SMAD4: variants seen among roughly 807,000 people sequenced by gnomAD.
SMAD4 encodes SMAD family member 4, also known as MAD homolog 4.
Under a neutral mutation model 63.2 loss-of-function variants are expected in SMAD4, and 7 were observed. That is an observed-to-expected ratio of 0.11 (90% CI 0.06 to 0.21). The LOEUF (loss-of-function observed/expected upper bound fraction) is 0.21, where lower values mean the gene tolerates loss of function less well. Among genes scored for constraint, SMAD4 ranks in the 10% least tolerant of loss-of-function variants. The pLI, the probability that SMAD4 is intolerant of heterozygous loss-of-function variation, is 1.00. For missense variants in SMAD4, 312 were observed against 693.8 expected (o/e 0.45, Z 6.18); for synonymous variants, 215 against 235.4 (o/e 0.91, Z 0.79).
intron 9 of SMAD4, 136 bp from the exon 10 acceptor site, chr18:51,066,883 A>T (rs891566177): frequency 5.8e-6 from 4 of 684,430 alleles, no homozygotes; most frequent in Non-Finnish European, 1.0e-5. Flanking sequence ...ATATACAAAA[A>T]TGTTAATAGC....
chr18:51,062,881 G>C (rs1289383612), intron 8 of SMAD4, among the ~76,000 whole-genome samples: 8 of 58,042 alleles, frequency 1.4e-4, no homozygotes, highest in Non-Finnish European at 1.0e-4. Flanking sequence ...TTTTTGAGAC[G>C]GAGTCTCGCT....
chr18:51,051,557 A>C (rs912235496), intron 4 of SMAD4: 1 of 373,506 alleles, frequency 2.7e-6, no homozygotes, highest in Non-Finnish European at 5.2e-6. Flanking sequence ...CAAGTATTTA[A>C]TAAGCATGTA....
chr18:51,064,418 T>G (rs1910096135), intron 8 of SMAD4, among the ~76,000 whole-genome samples: 1 of 152,236 alleles, frequency 6.6e-6, no homozygotes, highest in Non-Finnish European at 1.5e-5. Flanking sequence ...TTTCATTTGT[T>G]TGCTTATTTG....
intron 1 of SMAD4, among the ~76,000 whole-genome samples, chr18:51,032,863 T>C (rs1268120475): frequency 6.6e-6 from 1 of 152,196 alleles, no homozygotes; most frequent in Non-Finnish European, 1.5e-5. Context: ...ACATGTTGTT[T>C]TGTCGATGTT....
rs1910637726 is a variant in SMAD4 at position 51,082,650 on chromosome 18, T to C, written c.*4183T>C. 4.3e-6 allele frequency: 1 copy of C among 231,546 alleles called. No homozygotes were observed. Among genetic ancestry groups the C allele is most frequent in the African/African-American group, 2.2e-5 (1 of 45,326 alleles). The allele number at this position is 231,546 out of a possible 1,614,324, so 14.3% of individuals were successfully genotyped here. On this transcript the variant is annotated 3_prime_UTR_variant, in exon 12 of 12. Coordinates refer to ENST00000342988, the MANE Select transcript of SMAD4 (RefSeq NM_005359.6). Reference sequence around the variant, plus strand: ...TTCTTTCTGTGCTTGGCTATCTTTGTGGACTTCAGGGGCTTCTAAAACAGA... The same window carrying C: ...TTCTTTCTGTGCTTGGCTATCTTTGCGGACTTCAGGGGCTTCTAAAACAGA...
chr18:51,066,568 A>G (rs1214791943), intron 9 of SMAD4, among the ~76,000 whole-genome samples: 2 of 152,182 alleles, frequency 1.3e-5, no homozygotes, highest in Admixed American at 6.5e-5. Context: ...AAAATGATTT[A>G]TATTTGCACT....
chr18:51,045,939 T>C (rs1220573346), intron 1 of SMAD4, among the ~76,000 whole-genome samples: 2 of 152,234 alleles, frequency 1.3e-5, no homozygotes, highest in Non-Finnish European at 2.9e-5. Flanking sequence ...TTTCGAGGCT[T>C]ATCCATGTTA....
At chr18:51,069,674 G>T (rs2144458988) in intron 10 of SMAD4, among the ~76,000 whole-genome samples, 1 of 152,216 alleles carries the variant, frequency 6.6e-6, no homozygotes, top group East Asian at 1.9e-4. Flanking sequence ...GGTATGCTTG[G>T]GGCCTAATTC....
chr18:51,069,421 G>T lies in SMAD4; in HGVS notation c.1308+2234G>T, dbSNP rs189410982. Among the ~76,000 whole-genome samples, 4 of 152,238 alleles carry T rather than the reference G, an allele frequency of 2.6e-5. 1 individual carries two copies. The highest frequency in any genetic ancestry group is 4.4e-5 in the Non-Finnish European group (3 of 68,000). On this transcript the variant is annotated intron_variant, in intron 10 of 11. Transcript: ENST00000342988. ...GAGCCACTACGCCTGGCCTTTTGTTGTTATTTTTTAATGGCTTTGGATTTC... is the reference window on the plus strand; with the variant it reads ...GAGCCACTACGCCTGGCCTTTTGTTTTTATTTTTTAATGGCTTTGGATTTC...
chr18:51,049,621 C>T (rs1245840851), intron 4 of SMAD4: 2 of 333,318 alleles, frequency 6.0e-6, no homozygotes, highest in Non-Finnish European at 1.1e-5. Flanking sequence ...TGAGTTAAGA[C>T]CTATTTTTGA....
chr18:51,075,406 C>T lies in SMAD4; in HGVS notation c.1309-1232C>T, dbSNP rs150505210. On this transcript the variant is annotated intron_variant, in intron 10 of 11. Coordinates refer to ENST00000342988, the MANE Select transcript of SMAD4 (RefSeq NM_005359.6). ...TTGCTTGTATTGGGCCCCTTATGTA[C>T]GTAATGGGACTTTAAAAAATATTCA... Among the ~76,000 whole-genome samples the T allele has an allele frequency of 5.4e-4, 82 of 152,090 alleles. No individual in the cohort carries two copies. In the Middle Eastern group the frequency reaches 0.01, roughly 19 times the overall value.
At chr18:51,046,123 G>C (rs73436534) in intron 1 of SMAD4, among the ~76,000 whole-genome samples, 2,184 of 152,226 alleles carry the variant, frequency 0.014, 55 homozygotes, top group African/African-American at 0.048. Context: ...CCCTCAAGTA[G>C]AAGTGTGAAG....
At chr18:51,056,525 A>G (rs961472614) in intron 5 of SMAD4, among the ~76,000 whole-genome samples, 1 of 150,696 alleles carries the variant, frequency 6.6e-6, no homozygotes, top group South Asian at 2.1e-4. Flanking sequence ...GGGCTGAGGC[A>G]GGAGAAATGG....
At position 51,064,498 on chromosome 18, in the gene SMAD4, GA is replaced by G. The variant is rs1410100842; in HGVS notation, c.956-922del. On this transcript the variant is annotated intron_variant, in intron 8 of 11. Coordinates refer to ENST00000342988, the MANE Select transcript of SMAD4 (RefSeq NM_005359.6). ...TTTTCTACTGTGTATGCAGTGCCTA[GA>G]AAGATCCCTAGATACTCTGTAGATA... 4.7e-4 allele frequency among the ~76,000 whole-genome samples: 71 copies of G among 152,316 alleles called. 1 individual carries two copies. The highest frequency in any genetic ancestry group is 1.5e-3 in the African/African-American group (64 of 41,558).
chr18:51,074,170 AGTT>A (rs1910410573), intron 10 of SMAD4, among the ~76,000 whole-genome samples: 2 of 151,104 alleles, frequency 1.3e-5, no homozygotes, highest in Non-Finnish European at 3.0e-5. Flanking sequence ...GCGCAGGAGT[AGTT>A]CAAGATCAGC....
At position 51,047,067 on chromosome 18, in the gene SMAD4, G is replaced by T. The variant is rs142292491; in HGVS notation, c.21G>T (p.Thr7=). 2 of 1,613,538 alleles carry T rather than the reference G, an allele frequency of 1.2e-6. No homozygotes were observed. Among genetic ancestry groups the T allele is most frequent in the Admixed American group, 3.3e-5 (2 of 59,996 alleles). Residue 7 remains threonine, a synonymous_variant, in exon 2 of 12, where the codon ACG becomes ACT. Coordinates refer to ENST00000342988, the MANE Select transcript of SMAD4 (RefSeq NM_005359.6). MDNMSI[T]NTPTSNDACL... ...AACAAATGGACAATATGTCTATTAC[G>T]AATACACCAACAAGTAATGATGCCT...
intron 4 of SMAD4, among the ~76,000 whole-genome samples, chr18:51,051,642 C>A (rs1599184710): frequency 6.6e-6 from 1 of 152,214 alleles, no homozygotes; most frequent in Admixed American, 6.5e-5. Flanking sequence ...TGAGCTTATA[C>A]TCTAGTGGAG....
rs558814258 is a variant in SMAD4, at chr18:51,076,892, G to A, written c.1447+116G>A. On this transcript the variant is annotated intron_variant, in intron 11 of 11. Transcript: ENST00000342988. ...AGAAATTAAAGTTTTTTTTTACTGG[G>A]ATGATGACATTTTTGAATTGGTAAA... is the stretch of plus-strand genomic sequence containing the variant. 3 of 750,460 alleles carry A rather than the reference G, an allele frequency of 4.0e-6. No homozygotes were observed. In the South Asian group the frequency reaches 6.6e-5, roughly 16 times the overall value. The allele number at this position is 750,460 out of a possible 1,614,324, so 46.5% of individuals were successfully genotyped here.
At chr18:51,065,221 G>T (rs1480245737) in intron 8 of SMAD4, among the ~76,000 whole-genome samples, 1 of 152,108 alleles carries the variant, frequency 6.6e-6, no homozygotes. Context: ...ACAGTGCTAA[G>T]TACTGAGCTA....
Sources: allele counts gnomAD v4.1 joint callset (sites outside exome capture counted in the v4.1 genomes callset), GRCh38; gene constraint gnomAD v4.1.1; transcripts MANE v1.5; gene names NCBI Gene and HGNC (gene_info 2026-07-23, HGNC 2026-07-21).